Variants in DCT observed in about 807,000 individuals in gnomAD.
The protein encoded by DCT is dopachrome tautomerase.
In DCT, 47 loss-of-function variants were observed where a neutral mutation model predicts 53.0. The observed-to-expected ratio is 0.89, with a 90% CI of 0.70 to 1.13. The LOEUF (loss-of-function observed/expected upper bound fraction) is 1.13, where lower values mean the gene tolerates loss of function less well. DCT is among the 50% of genes most tolerant of loss of function. The probability of loss-of-function intolerance (pLI) is 0.00; values close to 1 mark genes in which losing one functional copy is unlikely to be tolerated. For synonymous variants in DCT, 244 were observed against 237.0 expected (o/e 1.03, Z -0.27); for missense variants, 669 against 637.4 (o/e 1.05, Z -0.53).
chr13:94,452,521 C>A (rs1883162628), intron 6 of DCT: 1 of 688,090 alleles, frequency 1.5e-6, no homozygotes, highest in Non-Finnish European at 2.6e-6. Context: ...ATTGTCCAAA[C>A]TTCTAGAGGC....
the DCT span, among the ~76,000 whole-genome samples, chr13:94,504,823 T>C: frequency 6.6e-6 from 1 of 152,178 alleles, no homozygotes; most frequent in African/African-American, 2.4e-5. Flanking sequence ...TGATGCCATT[T>C]ATTATTAGGT....
At chr13:94,478,200 C>T (rs996808098) in intron 1 of DCT, among the ~76,000 whole-genome samples, 6 of 137,254 alleles carry the variant, frequency 4.4e-5, no homozygotes, top group African/African-American at 1.3e-4. Context: ...TGTCTTGCCA[C>T]GTCTCGACAA....
At chr13:94,527,791 A>G in the DCT span, among the ~76,000 whole-genome samples, 1 of 152,244 alleles carries the variant, frequency 6.6e-6, no homozygotes, top group African/African-American at 2.4e-5. Flanking sequence ...AATGAGTTTG[A>G]CGAGTTGACA....
chr13:94,497,553 C>T, the DCT span, among the ~76,000 whole-genome samples: 1 of 152,318 alleles, frequency 6.6e-6, no homozygotes, highest in African/African-American at 2.4e-5. Context: ...ATGTATTAGG[C>T]ACTGTATTCT....
intron 7 of DCT, among the ~76,000 whole-genome samples, chr13:94,441,438 G>C (rs778804051): frequency 6.6e-6 from 1 of 151,942 alleles, no homozygotes; most frequent in African/African-American, 2.4e-5. Flanking sequence ...TCACATTGTT[G>C]TGCGACCATC....
At chr13:94,544,956 A>C in the DCT span, among the ~76,000 whole-genome samples, 1 of 152,078 alleles carries the variant, frequency 6.6e-6, no homozygotes, top group African/African-American at 2.4e-5. Flanking sequence ...ACAACAACAA[A>C]AAAATGTTTA....
At chr13:94,480,344 A>T (rs976865251), upstream of DCT, among the ~76,000 whole-genome samples, 1 of 152,220 alleles carries the variant, frequency 6.6e-6, no homozygotes, top group African/African-American at 2.4e-5. Flanking sequence ...TCTAGAAAGC[A>T]ATGCCTCCTG....
At chr13:94,448,619 T>G (rs1882879298) in intron 6 of DCT, among the ~76,000 whole-genome samples, 2 of 152,138 alleles carry the variant, frequency 1.3e-5, no homozygotes, top group African/African-American at 4.8e-5. Context: ...AGTGTATCAT[T>G]GGGCTGGGCA....
the DCT span, among the ~76,000 whole-genome samples, chr13:94,512,592 T>C: frequency 6.6e-6 from 1 of 152,210 alleles, no homozygotes; most frequent in Non-Finnish European, 1.5e-5. Flanking sequence ...CATGGCTTTG[T>C]TCACCAAAAC....
At chr13:94,488,885 CACACAT>C in the DCT span, among the ~76,000 whole-genome samples, 6 of 148,106 alleles carry the variant, frequency 4.1e-5, no homozygotes, top group African/African-American at 1.5e-4. Flanking sequence ...CACACACAAA[CACACAT>C]ATATATATAG....
chr13:94,535,810 A>G, the DCT span, among the ~76,000 whole-genome samples: 1 of 152,222 alleles, frequency 6.6e-6, no homozygotes, highest in East Asian at 1.9e-4. Context: ...GATTTCGCCT[A>G]TACCCTCAGA....
At chr13:94,455,381 T>TAG (rs56301019) in intron 6 of DCT, among the ~76,000 whole-genome samples, 21,702 of 141,372 alleles carry the variant, frequency 0.15, 1,693 homozygotes, top group Non-Finnish European at 0.19. Flanking sequence ...GACTGTCTCT[T>TAG]AGAGAGAGAG....
chr13:94,539,027 G>A, the DCT span, among the ~76,000 whole-genome samples: 2 of 152,234 alleles, frequency 1.3e-5, no homozygotes, highest in Non-Finnish European at 2.9e-5. Flanking sequence ...ACCACCAGGC[G>A]ACACATTAAC....
At chr13:94,540,814 C>T in the DCT span, among the ~76,000 whole-genome samples, 5 of 152,082 alleles carry the variant, frequency 3.3e-5, no homozygotes, top group African/African-American at 9.7e-5. Flanking sequence ...TCCAAAAGAA[C>T]GGAAATCAGT....
intron 7 of DCT, among the ~76,000 whole-genome samples, chr13:94,441,352 G>A (rs1380838164): frequency 1.3e-5 from 2 of 152,112 alleles, no homozygotes; most frequent in African/African-American, 2.4e-5. Context: ...TTTAGAAATT[G>A]TTGTAACATA....
the DCT span, among the ~76,000 whole-genome samples, chr13:94,547,984 A>AAAAAAAAAAAAAAATATATATATAT: frequency 1.5e-5 from 1 of 65,844 alleles, no homozygotes; most frequent in African/African-American, 1.3e-4. Context: ...AAAAAAAAAA[A>AAAAAAAAAAAAAAATATATATATAT]ATATATATAT....
intron 4 of DCT, chr13:94,465,382 G>T: frequency 3.4e-6 from 1 of 295,574 alleles, no homozygotes; most frequent in Non-Finnish European, 6.3e-6. Flanking sequence ...GCACTAATCT[G>T]ATAAAACTAA....
chr13:94,521,045 T>G, the DCT span, among the ~76,000 whole-genome samples: 2 of 152,312 alleles, frequency 1.3e-5, no homozygotes, highest in African/African-American at 4.8e-5. Context: ...TAAAGATGTT[T>G]CAACAGTGGC....
chr13:94,542,497 T>C, the DCT span, among the ~76,000 whole-genome samples: 1 of 152,210 alleles, frequency 6.6e-6, no homozygotes, highest in African/African-American at 2.4e-5. Context: ...CCACAGCACC[T>C]GGCCCGTTCC....
Sources: gnomAD v4.1 joint callset for allele counts (sites outside exome capture counted in the v4.1 genomes callset) on GRCh38, gnomAD v4.1.1 for gene constraint, MANE v1.5 for transcripts, NCBI Gene and HGNC (gene_info 2026-07-23, HGNC 2026-07-21) for gene names.